SETD3: variants seen among roughly 807,000 people sequenced by gnomAD.
SETD3 encodes the protein actin-histidine N-methyltransferase.
In SETD3, 19 loss-of-function variants were observed where a neutral mutation model predicts 63.0. The observed-to-expected ratio is 0.30, with a 90% CI of 0.21 to 0.44. The LOEUF (loss-of-function observed/expected upper bound fraction) is 0.44, where lower values mean the gene tolerates loss of function less well. SETD3 is among the 20% of genes least tolerant of loss of function. The pLI, the probability that SETD3 is intolerant of heterozygous loss-of-function variation, is 1.00. For missense variants in SETD3, 587 were observed against 728.5 expected (o/e 0.81, Z 2.24); for synonymous variants, 286 against 264.1 (o/e 1.08, Z -0.80).
intron 9 of SETD3, 112 bp downstream of exon 9, chr14:99,406,404 T>A: frequency 3.2e-6 from 3 of 926,658 alleles, no homozygotes; most frequent in Non-Finnish European, 3.4e-6. Context: ...ATCCTCAATG[T>A]GAATTCCACA....
At chr14:99,413,804 C>T (rs1892136244) in intron 7 of SETD3, 72 bp downstream of exon 7, 1 of 1,428,964 alleles carries the variant, frequency 7.0e-7, no homozygotes, top group Admixed American at 1.7e-5. Flanking sequence ...GAAGCCCTTC[C>T]CTCCCTTCCA....
chr14:99,466,427 A>G (rs1057035240), intron 1 of SETD3, among the ~76,000 whole-genome samples: 4 of 152,252 alleles, frequency 2.6e-5, no homozygotes, highest in African/African-American at 9.6e-5. Flanking sequence ...GTCGCGTTCC[A>G]GTGTGCCACA....
intron 8 of SETD3, 46 bp downstream of exon 8, chr14:99,412,905 C>A: frequency 7.4e-7 from 1 of 1,352,640 alleles, no homozygotes. Flanking sequence ...AGCTTAGCAA[C>A]AACAGCCTCC....
upstream of SETD3, chr14:99,481,731 G>T: frequency 2.7e-6 from 1 of 370,112 alleles, no homozygotes. Context: ...AGCGGCCCTC[G>T]CACTGGGGGG....
chr14:99,475,296 T>C (rs2139820311), intron 1 of SETD3, among the ~76,000 whole-genome samples: 1 of 152,348 alleles, frequency 6.6e-6, no homozygotes, highest in South Asian at 2.1e-4. Context: ...TGCCGGATGT[T>C]ATGGAGCAGT....
chr14:99,403,430 TACAC>T (rs762669151), intron 11 of SETD3, among the ~76,000 whole-genome samples: 2,622 of 133,004 alleles, frequency 0.02, 64 homozygotes, highest in African/African-American at 0.068. Flanking sequence ...CAGCAAAACA[TACAC>T]ACACACACAC....
At chr14:99,407,646 C>G (rs1392188579) in intron 8 of SETD3, among the ~76,000 whole-genome samples, 1 of 152,184 alleles carries the variant, frequency 6.6e-6, no homozygotes, top group East Asian at 1.9e-4. Context: ...TGCCACCCAC[C>G]TGCCATCCCA....
chr14:99,418,364 T>C (rs569500080), intron 6 of SETD3, among the ~76,000 whole-genome samples: 76 of 152,194 alleles, frequency 5.0e-4, no homozygotes, highest in African/African-American at 1.7e-3. Context: ...TCAGGGACTA[T>C]CTCTTTTAAT....
Position 99,413,863 on chromosome 14 carries a change from A to G in SETD3, c.734+13T>C. On this transcript the variant is annotated intron_variant, in intron 7 of 12. Transcript: ENST00000331768. Reference sequence around the variant, plus strand: ...ACCCTCAATACACAGACACACTCACAGCCCACACCAACCTGTAGTCCTCGT... The same window carrying G: ...ACCCTCAATACACAGACACACTCACGGCCCACACCAACCTGTAGTCCTCGT... The G allele has an allele frequency of 1.2e-6, 2 of 1,613,868 alleles. No homozygotes were observed. Among genetic ancestry groups the G allele is most frequent in the South Asian group, 2.2e-5 (2 of 91,086 alleles).
intron 1 of SETD3, among the ~76,000 whole-genome samples, chr14:99,467,380 T>C (rs1895446261): frequency 6.6e-6 from 1 of 152,284 alleles, no homozygotes; most frequent in African/African-American, 2.4e-5. Context: ...GCTTAAGAAA[T>C]GTCTTCTTAG....
At chr14:99,414,980 A>G (rs1054384570) in intron 6 of SETD3, among the ~76,000 whole-genome samples, 2 of 152,244 alleles carry the variant, frequency 1.3e-5, no homozygotes, top group African/African-American at 4.8e-5. Context: ...CTGGCACCCT[A>G]CGCAGGACAG....
At chr14:99,481,453 C>A (rs143798838), upstream of SETD3, 1 of 398,598 alleles carries the variant, frequency 2.5e-6, no homozygotes, top group Non-Finnish European at 4.4e-6. Context: ...GGAGAGACGT[C>A]GCTGAGGGGC....
intron 1 of SETD3, among the ~76,000 whole-genome samples, chr14:99,478,392 G>A (rs1177632584): frequency 6.6e-6 from 1 of 152,150 alleles, no homozygotes. Flanking sequence ...CCAGGGAACA[G>A]GCAAACCAGT....
At chr14:99,474,228 T>G (rs1232251416) in intron 1 of SETD3, among the ~76,000 whole-genome samples, 1 of 151,994 alleles carries the variant, frequency 6.6e-6, no homozygotes, top group African/African-American at 2.4e-5. Flanking sequence ...AGGAGGCTGA[T>G]GTAGGAGAAA....
rs757425699 is a variant in SETD3, at chr14:99,465,780, G to GTTT, written c.23_25dup (p.Lys8dup). 8.1e-6 allele frequency: 13 copies of GTTT among 1,613,836 alleles called. No individual in the cohort carries two copies. The highest frequency in any genetic ancestry group is 3.3e-5 in the Admixed American group (2 of 59,990). ...TGTAGCACCAGTGCCAGATTTCTGAGTTTTTACTCGACTCTTCTTACCCAT... is the reference window on the plus strand; with the variant it reads ...TGTAGCACCAGTGCCAGATTTCTGAGTTTTTTTTACTCGACTCTTCTTACCCAT... On this transcript the variant is annotated inframe_insertion, in exon 2 of 13. Transcript: ENST00000331768.
At chr14:99,446,802 A>G (rs529275246) in intron 6 of SETD3, among the ~76,000 whole-genome samples, 9 of 152,220 alleles carry the variant, frequency 5.9e-5, no homozygotes, top group African/African-American at 2.2e-4. Context: ...AAGCGTTGCC[A>G]GTCCCGAGGG....
chr14:99,465,632 C>A, intron 2 of SETD3, 71 bp downstream of exon 2: 1 of 1,253,340 alleles, frequency 8.0e-7, no homozygotes, highest in South Asian at 1.2e-5. Context: ...CACGCGTCCC[C>A]ATTCTGGTGA....
chr14:99,403,117 T>C (rs1891471844), intron 11 of SETD3, among the ~76,000 whole-genome samples: 2 of 152,220 alleles, frequency 1.3e-5, no homozygotes, highest in South Asian at 4.1e-4. Context: ...TATCTCAGTT[T>C]GGGTTCTGCG....
intron 1 of SETD3, among the ~76,000 whole-genome samples, chr14:99,466,533 A>G (rs995898456): frequency 1.3e-5 from 2 of 152,212 alleles, no homozygotes; most frequent in African/African-American, 4.8e-5. Context: ...TCCTGGGTAA[A>G]GACCCTATGA....
Sources: allele counts gnomAD v4.1 joint callset (sites outside exome capture counted in the v4.1 genomes callset), GRCh38; gene constraint gnomAD v4.1.1; transcripts MANE v1.5; gene names NCBI Gene and HGNC (gene_info 2026-07-23, HGNC 2026-07-21).